Variants in QTGAL observed in about 807,000 individuals in gnomAD.
QTGAL encodes the protein queuosine-tRNA galactosyltransferase.
At chr17:82,992,080 G>C in the QTGAL span, among the ~76,000 whole-genome samples, 2 of 152,036 alleles carry the variant, frequency 1.3e-5, no homozygotes. Flanking sequence ...CACCTCAAAA[G>C]GGCAAATCTA....
chr17:82,965,710 T>G, the QTGAL span: 2 of 1,612,676 alleles, frequency 1.2e-6, no homozygotes, highest in Non-Finnish European at 1.7e-6. Context: ...CAGAACCAGG[T>G]GGGCATGATC....
At chr17:83,027,050 G>C in the QTGAL span, among the ~76,000 whole-genome samples, 1 of 20,432 alleles carries the variant, frequency 4.9e-5, no homozygotes, top group Non-Finnish European at 9.9e-5. Flanking sequence ...CGACAGACAC[G>C]CAGAGCAGGG....
chr17:82,981,034 T>C, the QTGAL span: 1 of 152,248 alleles, frequency 6.6e-6, no homozygotes, highest in Admixed American at 6.5e-5. Context: ...TCCAGCTTTA[T>C]CTTTCAGAAT....
At chr17:82,984,791 T>C in the QTGAL span, among the ~76,000 whole-genome samples, 1 of 152,110 alleles carries the variant, frequency 6.6e-6, no homozygotes, top group African/African-American at 2.4e-5. Context: ...CCAGGAGACG[T>C]GCAGGGCAGC....
the QTGAL span, among the ~76,000 whole-genome samples, chr17:82,980,432 A>AC: frequency 5.9e-5 from 9 of 151,738 alleles, no homozygotes; most frequent in South Asian, 2.1e-4. Flanking sequence ...ACAGCCTCAG[A>AC]CCCCCCCAGG....
the QTGAL span, among the ~76,000 whole-genome samples, chr17:82,946,375 T>C: frequency 2.0e-5 from 3 of 152,218 alleles, no homozygotes; most frequent in Non-Finnish European, 4.4e-5. Flanking sequence ...AAAGGCTCAG[T>C]TCAACAGGAA....
chr17:82,973,419 T>G, the QTGAL span, among the ~76,000 whole-genome samples: 1 of 152,210 alleles, frequency 6.6e-6, no homozygotes, highest in Non-Finnish European at 1.5e-5. Flanking sequence ...TGATAACATT[T>G]CAGTCTTTCA....
At chr17:83,042,507 C>T in the QTGAL span, among the ~76,000 whole-genome samples, 13 of 152,082 alleles carry the variant, frequency 8.5e-5, no homozygotes, top group South Asian at 2.1e-4. Context: ...AGATGTTCAC[C>T]GTAATCCTCA....
the QTGAL span, among the ~76,000 whole-genome samples, chr17:83,020,214 C>T: frequency 6.6e-6 from 1 of 151,524 alleles, no homozygotes; most frequent in African/African-American, 2.4e-5. Context: ...GAAGAAAAAC[C>T]AAAGCGATAT....
chr17:83,015,634 G>A, the QTGAL span, among the ~76,000 whole-genome samples: 7 of 152,220 alleles, frequency 4.6e-5, no homozygotes, highest in South Asian at 2.1e-4. This position sits in a 1 kb window ranked among gnomAD's most constrained non-coding sequence, Gnocchi z 4.4. Flanking sequence ...CCGGGGAAGC[G>A]GGCTGGTGCC....
the QTGAL span, among the ~76,000 whole-genome samples, chr17:82,952,066 G>A: frequency 6.6e-6 from 1 of 152,240 alleles, no homozygotes; most frequent in Non-Finnish European, 1.5e-5. Flanking sequence ...TTTATAAAAT[G>A]CACAATGAAG....
At chr17:82,958,943 T>C in the QTGAL span, among the ~76,000 whole-genome samples, 3 of 73,474 alleles carry the variant, frequency 4.1e-5, no homozygotes, top group Non-Finnish European at 8.4e-5. Context: ...GTGTGTATAC[T>C]GTGTGGGGGT....
chr17:82,978,251 A>C, the QTGAL span, among the ~76,000 whole-genome samples: 1 of 152,030 alleles, frequency 6.6e-6, no homozygotes, highest in African/African-American at 2.4e-5. The surrounding 1 kb of genome is among the most constrained non-coding windows in gnomAD (Gnocchi z 4.8). Context: ...TGTGAGTCCC[A>C]TCTCACACCT....
At chr17:83,042,949 G>A in the QTGAL span, among the ~76,000 whole-genome samples, 1 of 152,252 alleles carries the variant, frequency 6.6e-6, no homozygotes, top group East Asian at 1.9e-4. Context: ...TATTAGAAAA[G>A]ACAAAGAAAG....
chr17:83,045,790 C>T, the QTGAL span, among the ~76,000 whole-genome samples: 2 of 150,288 alleles, frequency 1.3e-5, no homozygotes, highest in East Asian at 1.9e-4. Flanking sequence ...ATAAACATTT[C>T]TTCAAGGAAG....
chr17:83,006,145 C>T, the QTGAL span: 1 of 987,516 alleles, frequency 1.0e-6, no homozygotes, highest in Non-Finnish European at 1.2e-6. This position sits in a 1 kb window ranked among gnomAD's most constrained non-coding sequence, Gnocchi z 5.8. Flanking sequence ...GATTCCGTCT[C>T]ACCCAAGACC....
At chr17:82,983,685 G>A in the QTGAL span, among the ~76,000 whole-genome samples, 3 of 152,242 alleles carry the variant, frequency 2.0e-5, no homozygotes, top group Non-Finnish European at 2.9e-5. Context: ...GATGCTCCGT[G>A]GGGGCAGCGG....
the QTGAL span, among the ~76,000 whole-genome samples, chr17:83,019,657 T>C: frequency 1.6e-4 from 25 of 152,198 alleles, no homozygotes; most frequent in Admixed American, 1.4e-3. Flanking sequence ...GAATTAAAAA[T>C]GGCTAAAATG....
chr17:83,032,544 T>TCGG, the QTGAL span, among the ~76,000 whole-genome samples: 17 of 130,978 alleles, frequency 1.3e-4, no homozygotes, highest in East Asian at 4.3e-4. Context: ...CGACCCAGAC[T>TCGG]GAGCTCAGGG....
Sources: gnomAD v4.1 joint callset for allele counts (sites outside exome capture counted in the v4.1 genomes callset) on GRCh38, gnomAD v4.1.1 for gene constraint, Gnocchi (gnomAD v3.1) non-coding constraint, MANE v1.5 for transcripts, NCBI Gene and HGNC (gene_info 2026-07-23, HGNC 2026-07-21) for gene names.